Variants in DPYD observed in about 807,000 individuals in gnomAD.
DPYD encodes the protein dihydropyrimidine dehydrogenase.
In DPYD, 109 loss-of-function variants were observed where a neutral mutation model predicts 116.2. That is an observed-to-expected ratio of 0.94 (90% confidence interval 0.80 to 1.10). The LOEUF is 1.10. Ranked by LOEUF, DPYD falls within the 50% of genes least tolerant of loss-of-function variation. The probability of loss-of-function intolerance (pLI) is 0.00; values close to 1 mark genes in which losing one functional copy is unlikely to be tolerated. For missense variants in DPYD, 1,302 were observed against 1,254.5 expected, an observed-to-expected ratio of 1.04 and a Z score of -0.57; for synonymous variants, 440 against 432.0, an observed-to-expected ratio of 1.02 and a Z score of -0.23.
chr1:97,242,906 C>G (rs530684544), intron 18 of DPYD, among the ~76,000 whole-genome samples: 298 of 151,680 alleles, frequency 2.0e-3, no homozygotes, highest in African/African-American at 7.0e-3. Context: ...TAAAAGAAAT[C>G]CTATAAATGG....
intron 20 of DPYD, among the ~76,000 whole-genome samples, chr1:97,190,008 T>C (rs1658249040): frequency 6.6e-6 from 1 of 152,194 alleles, no homozygotes; most frequent in African/African-American, 2.4e-5. Context: ...TGTATTGTAA[T>C]TATTTTCATT....
At chr1:97,773,808 C>T (rs115456976) in intron 3 of DPYD, among the ~76,000 whole-genome samples, 2,706 of 152,284 alleles carry the variant, frequency 0.018, 86 homozygotes, top group African/African-American at 0.062. Flanking sequence ...CCCCATCCAT[C>T]TGCTGACAGT....
chr1:97,902,897 T>C (rs1673433662), intron 1 of DPYD, among the ~76,000 whole-genome samples: 1 of 151,846 alleles, frequency 6.6e-6, no homozygotes, highest in African/African-American at 2.4e-5. Flanking sequence ...CTTCCAGGTG[T>C]TTAGAAAGAG....
chr1:97,414,967 T>C (rs1020455092), intron 14 of DPYD, among the ~76,000 whole-genome samples: 6 of 152,234 alleles, frequency 3.9e-5, no homozygotes, highest in African/African-American at 1.4e-4. Context: ...CTCATTAACT[T>C]ATTTCACTTT....
chr1:97,383,180 G>A (rs961607326), intron 14 of DPYD, among the ~76,000 whole-genome samples: 2 of 151,992 alleles, frequency 1.3e-5, no homozygotes, highest in Non-Finnish European at 2.9e-5. Context: ...ATTAAGAAAA[G>A]TAATAACAGA....
intron 14 of DPYD, among the ~76,000 whole-genome samples, chr1:97,426,349 T>C (rs1557703841): frequency 6.6e-6 from 1 of 152,020 alleles, no homozygotes; most frequent in Non-Finnish European, 1.5e-5. Context: ...TAGAGGATGA[T>C]ACGTGGTAGC....
chr1:97,793,595 G>A (rs1339298481), intron 3 of DPYD, among the ~76,000 whole-genome samples: 1 of 151,988 alleles, frequency 6.6e-6, no homozygotes. Context: ...CAATTCCGTG[G>A]AGAAATGAGT....
intron 14 of DPYD, among the ~76,000 whole-genome samples, chr1:97,407,514 C>G (rs956279833): frequency 2.0e-5 from 3 of 152,142 alleles, no homozygotes; most frequent in Non-Finnish European, 4.4e-5. Flanking sequence ...TCTAGCTCAT[C>G]ATGTCCCTGT....
chr1:97,454,222 A>G (rs1676566879), intron 13 of DPYD, among the ~76,000 whole-genome samples: 1 of 152,006 alleles, frequency 6.6e-6, no homozygotes, highest in Non-Finnish European at 1.5e-5. Context: ...TGAGACTTTT[A>G]GAATTTTTAA....
chr1:97,659,095 C>CT (rs1460269863), intron 8 of DPYD, among the ~76,000 whole-genome samples: 1 of 152,108 alleles, frequency 6.6e-6, no homozygotes, highest in Non-Finnish European at 1.5e-5. Flanking sequence ...AATGTTGGAC[C>CT]TACCCATTGT....
At chr1:97,490,975 T>C (rs1438615110) in intron 13 of DPYD, among the ~76,000 whole-genome samples, 1 of 150,970 alleles carries the variant, frequency 6.6e-6, no homozygotes, top group Non-Finnish European at 1.5e-5. Flanking sequence ...AAATAGTGAA[T>C]ATATACATTG....
chr1:97,622,476 A>G (rs1656687001), intron 8 of DPYD, among the ~76,000 whole-genome samples: 1 of 152,036 alleles, frequency 6.6e-6, no homozygotes, highest in African/African-American at 2.4e-5. Context: ...AAAAAAAAGC[A>G]TAAGAAGACA....
rs145694018 is a variant in DPYD, at chr1:97,095,179, C to T, written c.2766+3310G>A. Among the ~76,000 whole-genome samples the T allele has an allele frequency of 1.6e-4, 25 of 152,118 alleles. No homozygotes were observed. In the East Asian group the frequency reaches 3.3e-3, roughly 20 times the overall value. ...TTATTATGGCACAAATAATTACTTA[C>T]GGCATAAAACTTTTTTCTAGAGATT... On this transcript the variant is annotated intron_variant, in intron 21 of 22. Transcript: ENST00000370192.
intron 10 of DPYD, among the ~76,000 whole-genome samples, chr1:97,575,082 C>T (rs1653178975): frequency 6.6e-6 from 1 of 152,146 alleles, no homozygotes; most frequent in Admixed American, 6.6e-5. Flanking sequence ...ACTGCGCAGG[C>T]CCATTTTCAG....
chr1:97,541,203 G>A (rs1444675287), intron 12 of DPYD, among the ~76,000 whole-genome samples: 1 of 152,152 alleles, frequency 6.6e-6, no homozygotes, highest in Non-Finnish European at 1.5e-5. Context: ...CTTATCAAGA[G>A]TCAGCTGTAT....
chr1:97,564,265 A>G (rs1026503249), intron 11 of DPYD, among the ~76,000 whole-genome samples: 22 of 152,182 alleles, frequency 1.4e-4, no homozygotes, highest in African/African-American at 5.3e-4. Context: ...CCTTCATGTC[A>G]TAACCTCCTT....
At chr1:97,888,354 C>T (rs1359591645) in intron 1 of DPYD, among the ~76,000 whole-genome samples, 1 of 151,844 alleles carries the variant, frequency 6.6e-6, no homozygotes, top group East Asian at 1.9e-4. Flanking sequence ...ATTAACAGAG[C>T]CTCAATGATA....
At chr1:97,278,775 T>G (rs902923896) in intron 18 of DPYD, among the ~76,000 whole-genome samples, 4 of 152,226 alleles carry the variant, frequency 2.6e-5, no homozygotes, top group Non-Finnish European at 5.9e-5. Context: ...ATTCTGACAG[T>G]GCAGATAATA....
intron 3 of DPYD, among the ~76,000 whole-genome samples, chr1:97,798,995 A>T (rs560371143): frequency 5.2e-4 from 79 of 152,132 alleles, no homozygotes; most frequent in African/African-American, 1.9e-3. Flanking sequence ...TCTCCATTTT[A>T]TACCTATAAA....
Sources: gnomAD v4.1 joint callset for allele counts (sites outside exome capture counted in the v4.1 genomes callset) on GRCh38, gnomAD v4.1.1 for gene constraint, MANE v1.5 for transcripts, NCBI Gene and HGNC (gene_info 2026-07-23, HGNC 2026-07-21) for gene names.